SLC6A3: variants seen among roughly 807,000 people sequenced by gnomAD.
SLC6A3 encodes the protein solute carrier family 6 member 3.
A neutral mutation model predicts 70.4 loss-of-function variants in SLC6A3; 19 were observed. The ratio of observed to expected loss-of-function variants is 0.27; its 90% confidence interval spans 0.19 to 0.40. The LOEUF (loss-of-function observed/expected upper bound fraction) is 0.40. SLC6A3 is among the 10% of genes least tolerant of loss of function. The probability of loss-of-function intolerance (pLI) is 1.00; values close to 1 mark genes in which losing one functional copy is unlikely to be tolerated. For synonymous variants in SLC6A3, 368 were observed against 356.6 expected, an observed-to-expected ratio of 1.03 and a Z score of -0.36; for missense variants, 613 against 838.5, an observed-to-expected ratio of 0.73 and a Z score of 3.32.
chr5:1,413,470 G>A lies in SLC6A3; in HGVS notation c.1156+1221C>T, dbSNP rs562166810. On this transcript the variant is annotated intron_variant, in intron 8 of 14. Transcript: ENST00000270349. The surrounding 1 kb of genome is among the most constrained non-coding windows in gnomAD (Gnocchi z 7.1). Reference sequence around the variant, plus strand: ...CTCAGGTGCGGTCAAGGCTGCCCCCGCTTGGTGCTTGTCGCTCCCCGCCTT... The same window carrying A: ...CTCAGGTGCGGTCAAGGCTGCCCCCACTTGGTGCTTGTCGCTCCCCGCCTT... 5.2e-4 allele frequency among the ~76,000 whole-genome samples: 79 copies of A among 152,262 alleles called. No individual in the cohort carries two copies. The highest frequency in any genetic ancestry group is 1.7e-3 in the African/African-American group (71 of 41,536).
intron 5 of SLC6A3, 76 bp from the exon 6 acceptor site, chr5:1,420,779 G>T: frequency 1.3e-6 from 2 of 1,535,724 alleles, no homozygotes; most frequent in East Asian, 2.3e-5. Flanking sequence ...CAAGGGCACC[G>T]GGTTGCCCTG....
rs748753245 is a variant in SLC6A3, at chr5:1,394,789, C to T, written c.1840-31G>A. ...AAGAAAACAGGTTTAGTCAGAAACC[C>T]TGGGGCGATGCCCCATTTAAGAGCA... On this transcript the variant is annotated intron_variant, in intron 14 of 14. Transcript: ENST00000270349. The surrounding 1 kb of genome is among the most constrained non-coding windows in gnomAD (Gnocchi z 4.7). 3 of 1,613,700 alleles carry T rather than the reference C, an allele frequency of 1.9e-6. No homozygotes were observed. In the South Asian group the frequency reaches 3.3e-5, roughly 18 times the overall value.
At position 1,441,496 on chromosome 5, in the gene SLC6A3, G is replaced by C. The variant is rs754451666; in HGVS notation, c.287-6C>G. ...GTAGGGGACCAGGAAGGCACCTGTG[G>C]GGCAGAAAAGCACCTTTAGTTTGGG... On this transcript the variant is annotated splice_region_variant and splice_polypyrimidine_tract_variant and intron_variant, in intron 2 of 14. Transcript: ENST00000270349. 1 of 1,613,774 alleles carries C rather than the reference G, an allele frequency of 6.2e-7. No homozygotes were observed. The highest frequency in any genetic ancestry group is 2.2e-5 in the East Asian group (1 of 44,880).
At position 1,404,346 on chromosome 5, in the gene SLC6A3, C is replaced by T. The variant is rs772106152; in HGVS notation, c.1600-1257G>A. ...GCGGCTGCCTTGGCTGCACAGAGAGCCCTGAGCATGCTTTAAAGAGCCACG... is the reference window on the plus strand; with the variant it reads ...GCGGCTGCCTTGGCTGCACAGAGAGTCCTGAGCATGCTTTAAAGAGCCACG... On this transcript the variant is annotated intron_variant, in intron 12 of 14. Coordinates refer to ENST00000270349, the MANE Select transcript of SLC6A3 (RefSeq NM_001044.5). The surrounding 1 kb of genome is among the most constrained non-coding windows in gnomAD (Gnocchi z 5.2). Among the ~76,000 whole-genome samples, 2 of 152,212 alleles carry T rather than the reference C, an allele frequency of 1.3e-5. No individual in the cohort carries two copies. Among genetic ancestry groups the T allele is most frequent in the Non-Finnish European group, 2.9e-5 (2 of 68,034 alleles).
At chr5:1,433,119 C>T (rs1756744059) in intron 3 of SLC6A3, among the ~76,000 whole-genome samples, 2 of 152,104 alleles carry the variant, frequency 1.3e-5, no homozygotes, top group African/African-American at 2.4e-5. Context: ...AAGAGTCATC[C>T]AGGATCATTG....
At chr5:1,398,165 A>C (rs1755766030) in intron 14 of SLC6A3, among the ~76,000 whole-genome samples, 1 of 152,176 alleles carries the variant, frequency 6.6e-6, no homozygotes, top group Non-Finnish European at 1.5e-5. Context: ...GTTCGAGACC[A>C]GCCTGGCCAA....
At position 1,401,329 on chromosome 5, in the gene SLC6A3, T is replaced by C; in HGVS notation, c.1768-343A>G. On this transcript the variant is annotated intron_variant, in intron 13 of 14. Transcript: ENST00000270349. This position sits in a 1 kb window ranked among gnomAD's most constrained non-coding sequence, Gnocchi z 6.1. Reference sequence around the variant, plus strand: ...GTCTAAGCTACCACGTGTGCTGGGCTCTGAGTAAGAAAGTGCCCACACCCA... The same window carrying C: ...GTCTAAGCTACCACGTGTGCTGGGCCCTGAGTAAGAAAGTGCCCACACCCA... The C allele has an allele frequency of 1.9e-6, 1 of 530,970 alleles. No individual in the cohort carries two copies. The highest frequency in any genetic ancestry group is 3.6e-6 in the Non-Finnish European group (1 of 275,678). The allele number at this position is 530,970 out of a possible 1,614,324, so 32.9% of individuals were successfully genotyped here.
chr5:1,442,924 T>G lies in SLC6A3; in HGVS notation c.274A>C (p.Lys92Gln). Residue 92 changes from lysine to glutamine, a missense_variant, in exon 2 of 15, where the codon AAA becomes CAA. By Grantham distance (53) the Lys-to-Gln change is moderately conservative. Coordinates refer to ENST00000270349, the MANE Select transcript of SLC6A3 (RefSeq NM_001044.5). This position sits in a 1 kb window ranked among gnomAD's most constrained non-coding sequence, Gnocchi z 5.0. Reference sequence around the variant, plus strand: ...AGATGGGACTTACCGCCACCATTTTTGTAGCACAGGTAGGGGAACCGCCAG... The same window carrying G: ...AGATGGGACTTACCGCCACCATTTTGGTAGCACAGGTAGGGGAACCGCCAG... The part of the protein sequence containing the change: ...NVWRFPYLCY[K>Q]NGGGAFLVPY... 6.2e-7 allele frequency: 1 copy of G among 1,614,188 alleles called. No homozygotes were observed. Among genetic ancestry groups the G allele is most frequent in the Non-Finnish European group, 8.5e-7 (1 of 1,180,024 alleles).
At chr5:1,435,919 C>T (rs1260779898) in intron 3 of SLC6A3, among the ~76,000 whole-genome samples, 9 of 146,948 alleles carry the variant, frequency 6.1e-5, no homozygotes, top group Non-Finnish European at 1.2e-4. Context: ...CAGCCTTGAA[C>T]GGTGGTGGCC....
At position 1,411,412 on chromosome 5, in the gene SLC6A3, C is replaced by A; in HGVS notation, c.1157-57G>T. 3 of 1,269,844 alleles carry A rather than the reference C, an allele frequency of 2.4e-6. No individual in the cohort carries two copies. Among genetic ancestry groups the A allele is most frequent in the Non-Finnish European group, 3.4e-6 (3 of 893,478 alleles). The allele number at this position is 1,269,844 out of a possible 1,614,324, so 78.7% of individuals were successfully genotyped here. A position where few individuals can be genotyped will look rare whatever the true frequency, so the allele number is the denominator to read the frequency against. On this transcript the variant is annotated intron_variant, in intron 8 of 14. Coordinates refer to ENST00000270349, the MANE Select transcript of SLC6A3 (RefSeq NM_001044.5). This position sits in a 1 kb window ranked among gnomAD's most constrained non-coding sequence, Gnocchi z 6.5. ...GCCCACGCTGTGCTCTCCCGCCCAT[C>A]CTGCCCCACCCCGCCCCGAGAAGCA...
intron 10 of SLC6A3, 50 bp from the exon 11 acceptor site, chr5:1,409,175 T>G: frequency 7.6e-7 from 1 of 1,317,648 alleles, no homozygotes; most frequent in Non-Finnish European, 1.1e-6. Context: ...TCCCCAGAGG[T>G]AAACCCAGCC....
In SLC6A3 at chr5:1,413,274, G is replaced by A. The variant is rs1210253085; in HGVS notation, c.1156+1417C>T. Among the ~76,000 whole-genome samples the A allele has an allele frequency of 5.3e-5, 8 of 152,148 alleles. No individual in the cohort carries two copies. ...GCAGATGTTCCCTTTCTCCCGCTTT[G>A]ACTGAATTTTTTTTCCTAGTGGAAA... On this transcript the variant is annotated intron_variant, in intron 8 of 14. Transcript: ENST00000270349. The surrounding 1 kb of genome is among the most constrained non-coding windows in gnomAD (Gnocchi z 7.1).
rs374793031 is a variant in SLC6A3 at position 1,432,037 on chromosome 5, G to A, written c.653+427C>T. Among the ~76,000 whole-genome samples, 19 of 152,288 alleles carry A rather than the reference G, an allele frequency of 1.2e-4. No individual in the cohort carries two copies. In the South Asian group the frequency reaches 3.9e-3, roughly 32 times the overall value. ...AGAGGGCAAGGGCCGGAGTGAGGCA[G>A]TTCGGCCCCATGCTATGCACAGAGG... On this transcript the variant is annotated intron_variant, in intron 4 of 14. Transcript: ENST00000270349.
At chr5:1,410,065 C>G (rs1224310530) in intron 9 of SLC6A3, among the ~76,000 whole-genome samples, 1 of 152,214 alleles carries the variant, frequency 6.6e-6, no homozygotes, top group Non-Finnish European at 1.5e-5. Flanking sequence ...CCCAGAGGGA[C>G]CACTGTATCC....
At chr5:1,414,648 G>T in intron 8 of SLC6A3, 43 bp downstream of exon 8, 1 of 1,607,986 alleles carries the variant, frequency 6.2e-7, no homozygotes, top group South Asian at 1.1e-5. Flanking sequence ...GCTCGGCGCT[G>T]GTGCTACACG....
intron 6 of SLC6A3, among the ~76,000 whole-genome samples, chr5:1,419,968 C>T (rs1488567112): frequency 6.6e-6 from 1 of 152,142 alleles, no homozygotes; most frequent in Non-Finnish European, 1.5e-5. Flanking sequence ...CCTCATGACC[C>T]CCAGACCTGG....
rs1370059578 is a variant in SLC6A3, at chr5:1,396,978, G to A, written c.1840-2220C>T. Among the ~76,000 whole-genome samples the A allele has an allele frequency of 1.3e-5, 2 of 152,212 alleles. No homozygotes were observed. Among genetic ancestry groups the A allele is most frequent in the Non-Finnish European group, 2.9e-5 (2 of 68,036 alleles). The stretch of plus-strand genomic sequence containing the variant: ...TTCCACAGTGCCTAGTTTTCCTGCT[G>A]TGGGCTCACAAGGGTCTGTTTGTTA... On this transcript the variant is annotated intron_variant, in intron 14 of 14. Coordinates refer to ENST00000270349, the MANE Select transcript of SLC6A3 (RefSeq NM_001044.5). The surrounding 1 kb of genome is among the most constrained non-coding windows in gnomAD (Gnocchi z 7.0).
chr5:1,395,488 ACTGGCCACACCACAGGCTCCT>A (rs1470895055), intron 14 of SLC6A3, among the ~76,000 whole-genome samples: 3 of 152,220 alleles, frequency 2.0e-5, no homozygotes, highest in Non-Finnish European at 4.4e-5. Flanking sequence ...TGAAGCTACC[ACTGGCCACACCACAGGCTCCT>A]CTGGCCACTC....
intron 3 of SLC6A3, among the ~76,000 whole-genome samples, chr5:1,440,473 A>G (rs1756948794): frequency 6.6e-6 from 1 of 152,120 alleles, no homozygotes; most frequent in Admixed American, 6.5e-5. Context: ...TGGGTAGATG[A>G]CAGACGGGTG....
Sources: allele counts gnomAD v4.1 joint callset (sites outside exome capture counted in the v4.1 genomes callset), GRCh38; gene constraint gnomAD v4.1.1; non-coding constraint Gnocchi (gnomAD v3.1); transcripts MANE v1.5; gene names NCBI Gene and HGNC (gene_info 2026-07-23, HGNC 2026-07-21).